The following GRIN3A variants were observed in gnomAD, a reference collection of about 807,000 sequenced individuals.
The protein encoded by GRIN3A is glutamate ionotropic receptor NMDA type subunit 3A, also known as glutamate receptor ionotropic, NMDA 3A.
A neutral mutation model predicts 92.4 loss-of-function variants in GRIN3A; 47 were observed. The ratio of observed to expected loss-of-function variants is 0.51; its 90% CI spans 0.40 to 0.65. GRIN3A has a LOEUF of 0.65. GRIN3A is among the 30% of genes least tolerant of loss of function. GRIN3A has a pLI of 0.00. For missense variants in GRIN3A, 1,324 were observed against 1,393.1 expected, an observed-to-expected ratio of 0.95 and a Z score of 0.79; for synonymous variants, 527 against 540.6, an observed-to-expected ratio of 0.97 and a Z score of 0.35.
intron 6 of GRIN3A, among the ~76,000 whole-genome samples, chr9:101,581,818 G>A (rs1827890963): frequency 6.6e-6 from 1 of 152,212 alleles, no homozygotes; most frequent in African/African-American, 2.4e-5. Context: ...TTATCCCTTT[G>A]CTGGAAGCTT....
chr9:101,608,248 CCTT>C (rs1828311982), intron 6 of GRIN3A, among the ~76,000 whole-genome samples: 1 of 152,188 alleles, frequency 6.6e-6, no homozygotes, highest in Admixed American at 6.5e-5. Flanking sequence ...AACTTTCCTC[CCTT>C]CTTCTCATTC....
chr9:101,656,144 T>G (rs1325133683), intron 3 of GRIN3A, among the ~76,000 whole-genome samples: 2 of 151,996 alleles, frequency 1.3e-5, no homozygotes, highest in African/African-American at 4.8e-5. Flanking sequence ...GGTAAAAGGC[T>G]TGCAAAAGGA....
intron 3 of GRIN3A, among the ~76,000 whole-genome samples, chr9:101,666,515 G>T (rs902396687): frequency 4.6e-5 from 7 of 151,834 alleles, no homozygotes; most frequent in African/African-American, 1.7e-4. Context: ...AGGAGGGAGA[G>T]GATCAGGAAA....
chr9:101,722,849 TC>T (rs1830030903), intron 1 of GRIN3A, among the ~76,000 whole-genome samples: 1 of 152,202 alleles, frequency 6.6e-6, no homozygotes, highest in Admixed American at 6.5e-5. Context: ...AAGGGACTTG[TC>T]TTGTCTCAGA....
chr9:101,618,506 C>T (rs1716146066), intron 5 of GRIN3A, among the ~76,000 whole-genome samples: 1 of 152,136 alleles, frequency 6.6e-6, no homozygotes, highest in African/African-American at 2.4e-5. Context: ...CATACCATCT[C>T]ACACCAGTTA....
chr9:101,698,623 A>G (rs1357218265), intron 1 of GRIN3A, among the ~76,000 whole-genome samples: 1 of 152,192 alleles, frequency 6.6e-6, no homozygotes. Flanking sequence ...ACATAATGGT[A>G]TCTAAACATA....
At chr9:101,634,876 G>A (rs372412413) in intron 3 of GRIN3A, among the ~76,000 whole-genome samples, 14 of 152,052 alleles carry the variant, frequency 9.2e-5, no homozygotes, top group African/African-American at 2.9e-4. Flanking sequence ...AGACACACTC[G>A]GACTATCCTG....
chr9:101,701,024 C>T (rs36091868), intron 1 of GRIN3A, among the ~76,000 whole-genome samples: 19,884 of 152,130 alleles, frequency 0.13, 1,582 homozygotes, highest in Admixed American at 0.19. Context: ...TTACTCATGG[C>T]ATGGAGGATG....
intron 1 of GRIN3A, among the ~76,000 whole-genome samples, chr9:101,730,001 T>C (rs967921094): frequency 2.0e-5 from 3 of 152,180 alleles, no homozygotes; most frequent in Admixed American, 6.5e-5. Context: ...TGAGAAGTTA[T>C]AGCAATAGTT....
intron 1 of GRIN3A, among the ~76,000 whole-genome samples, chr9:101,718,552 A>G (rs1829973692): frequency 6.6e-6 from 1 of 152,338 alleles, no homozygotes; most frequent in Non-Finnish European, 1.5e-5. Flanking sequence ...CTTGAATGCT[A>G]CGCTAAGCTG....
intron 3 of GRIN3A, among the ~76,000 whole-genome samples, chr9:101,634,750 C>T (rs994872761): frequency 6.6e-6 from 1 of 152,064 alleles, no homozygotes; most frequent in Non-Finnish European, 1.5e-5. Context: ...TAATATATAC[C>T]TATTTGTGCT....
intron 6 of GRIN3A, among the ~76,000 whole-genome samples, chr9:101,583,060 T>A (rs1050342956): frequency 2.0e-5 from 3 of 152,200 alleles, no homozygotes; most frequent in Non-Finnish European, 4.4e-5. Flanking sequence ...TATGATCTTA[T>A]AATTACCCTG....
At chr9:101,717,256 G>C (rs1451806757) in intron 1 of GRIN3A, among the ~76,000 whole-genome samples, 2 of 151,930 alleles carry the variant, frequency 1.3e-5, no homozygotes, top group Non-Finnish European at 2.9e-5. Flanking sequence ...GGTGGTTCCT[G>C]GTCACATTTT....
intron 6 of GRIN3A, among the ~76,000 whole-genome samples, chr9:101,587,438 G>A (rs1827964342): frequency 6.6e-6 from 1 of 152,120 alleles, no homozygotes; most frequent in South Asian, 2.1e-4. Flanking sequence ...ACTGTATCCT[G>A]ACGCAGATCT....
In GRIN3A at chr9:101,669,917, A is replaced by G. The variant is rs1829294514; in HGVS notation, c.2352+143T>C. On this transcript the variant is annotated intron_variant, in intron 3 of 8. Transcript: ENST00000361820. ...ATGGAATATTTAGTTAAACCAGGCAACAGACTTTTGGACTAGTCTCTATAC... is the reference window on the plus strand; with the variant it reads ...ATGGAATATTTAGTTAAACCAGGCAGCAGACTTTTGGACTAGTCTCTATAC... The G allele has an allele frequency of 7.8e-6, 5 of 642,830 alleles. No homozygotes were observed. The Admixed American group carries it at 8.6e-5, about 11-fold the overall frequency. The allele number at this position is 642,830 out of a possible 1,614,324, so 39.8% of individuals were successfully genotyped here. A position where few individuals can be genotyped will look rare whatever the true frequency, so the allele number is the denominator to read the frequency against.
chr9:101,636,657 T>C (rs1828788863), intron 3 of GRIN3A, among the ~76,000 whole-genome samples: 1 of 152,250 alleles, frequency 6.6e-6, no homozygotes, highest in South Asian at 2.1e-4. Context: ...GAAAGGTTTT[T>C]CTTCTTAGAG....
chr9:101,616,131 G>T (rs939407697), intron 5 of GRIN3A, among the ~76,000 whole-genome samples: 6 of 152,198 alleles, frequency 3.9e-5, no homozygotes, highest in African/African-American at 9.7e-5. Context: ...AATATTTGTT[G>T]CATGAATGAG....
In GRIN3A at chr9:101,738,153, T is replaced by C. The variant is rs1830243723; in HGVS notation, c.-174A>G. ...CATGCAAGTTGGAGCGTAGCGCGCC[T>C]CCGGCAGTCTCAGATCCCGCTCCCA... On this transcript the variant is annotated 5_prime_UTR_variant, in exon 1 of 9. Coordinates refer to ENST00000361820, the MANE Select transcript of GRIN3A (RefSeq NM_133445.3). 4.4e-6 allele frequency: 3 copies of C among 675,798 alleles called. No homozygotes were observed. The highest frequency in any genetic ancestry group is 1.6e-5 in the South Asian group (1 of 60,744). The allele number at this position is 675,798 out of a possible 1,614,324, so 41.9% of individuals were successfully genotyped here. A position where few individuals can be genotyped will look rare whatever the true frequency, so the allele number is the denominator to read the frequency against.
At chr9:101,703,455 T>C (rs1447491386) in intron 1 of GRIN3A, among the ~76,000 whole-genome samples, 2 of 152,206 alleles carry the variant, frequency 1.3e-5, no homozygotes, top group Non-Finnish European at 2.9e-5. Context: ...CCACCCACCA[T>C]CAAATGCATA....
Sources: gnomAD v4.1 joint callset for allele counts (sites outside exome capture counted in the v4.1 genomes callset) on GRCh38, gnomAD v4.1.1 for gene constraint, MANE v1.5 for transcripts, NCBI Gene and HGNC (gene_info 2026-07-23, HGNC 2026-07-21) for gene names.